Variants in MTCL2 observed in about 807,000 individuals in gnomAD.
MTCL2 encodes microtubule crosslinking factor 2.
the MTCL2 span, among the ~76,000 whole-genome samples, chr20:36,826,666 C>A: frequency 6.6e-6 from 1 of 151,946 alleles, no homozygotes; most frequent in East Asian, 1.9e-4. Flanking sequence ...GCATGAGCCA[C>A]CACACCCAGC....
the MTCL2 span, chr20:36,797,023 AG>A: frequency 1.5e-6 from 2 of 1,339,544 alleles, no homozygotes; most frequent in Middle Eastern, 1.8e-4. Context: ...ACAAGAGACC[AG>A]CCCCGACCTC....
At chr20:36,812,111 A>T in the MTCL2 span, among the ~76,000 whole-genome samples, 1 of 152,222 alleles carries the variant, frequency 6.6e-6, no homozygotes, top group Non-Finnish European at 1.5e-5. Context: ...TCACACAGGA[A>T]CACTGGTAGA....
At chr20:36,852,185 C>T in the MTCL2 span, among the ~76,000 whole-genome samples, 2 of 152,216 alleles carry the variant, frequency 1.3e-5, no homozygotes, top group South Asian at 2.1e-4. Flanking sequence ...TACAGAGGAA[C>T]GGGAGCCTCC....
the MTCL2 span, chr20:36,828,823 A>G: frequency 2.1e-6 from 1 of 487,220 alleles, no homozygotes; most frequent in Non-Finnish European, 3.6e-6. Context: ...CCCTGAGGAC[A>G]GGAACTGGGT....
At chr20:36,798,395 A>G in the MTCL2 span, among the ~76,000 whole-genome samples, 1 of 152,208 alleles carries the variant, frequency 6.6e-6, no homozygotes. Flanking sequence ...CCTCACAGAA[A>G]CAGTGTATGA....
chr20:36,811,019 G>A, the MTCL2 span, among the ~76,000 whole-genome samples: 1 of 152,052 alleles, frequency 6.6e-6, no homozygotes, highest in Admixed American at 6.6e-5. Context: ...ACCGTGCCTG[G>A]CCCCAGAACT....
chr20:36,815,381 G>C, the MTCL2 span: 28 of 1,613,442 alleles, frequency 1.7e-5, no homozygotes, highest in Middle Eastern at 1.6e-4. This position sits in a 1 kb window ranked among gnomAD's most constrained non-coding sequence, Gnocchi z 5.3. Flanking sequence ...CAGCACACTC[G>C]TTGTCCAGAC....
chr20:36,807,217 G>A, the MTCL2 span, among the ~76,000 whole-genome samples: 1 of 152,176 alleles, frequency 6.6e-6, no homozygotes, highest in Admixed American at 6.5e-5. Context: ...CGAGAATGAT[G>A]AGCCCCACTG....
At chr20:36,824,220 C>A in the MTCL2 span, among the ~76,000 whole-genome samples, 2 of 152,216 alleles carry the variant, frequency 1.3e-5, no homozygotes, top group Admixed American at 1.3e-4. Context: ...CACAGAATCT[C>A]AGAAACGTGC....
At chr20:36,790,471 G>A in the MTCL2 span, among the ~76,000 whole-genome samples, 1 of 111,712 alleles carries the variant, frequency 9.0e-6, no homozygotes, top group African/African-American at 3.6e-5. Flanking sequence ...GTCTTGCTCT[G>A]TTGCCCAGGC....
At chr20:36,863,251 G>C in the MTCL2 span, 10 of 1,197,140 alleles carry the variant, frequency 8.4e-6, no homozygotes, top group Non-Finnish European at 1.0e-5. The surrounding 1 kb of genome is among the most constrained non-coding windows in gnomAD (Gnocchi z 6.2). Context: ...GACGGCGCGC[G>C]GTGGCTCTTT....
chr20:36,857,746 G>C, the MTCL2 span, among the ~76,000 whole-genome samples: 1 of 152,166 alleles, frequency 6.6e-6, no homozygotes, highest in East Asian at 1.9e-4. Context: ...ACTGGGTCCA[G>C]ACACCCAGCA....
chr20:36,785,733 T>C, the MTCL2 span: 3 of 985,452 alleles, frequency 3.0e-6, no homozygotes, highest in Non-Finnish European at 3.6e-6. Context: ...GCTGGGAACG[T>C]TGGGGCCCCA....
chr20:36,804,255 T>C, the MTCL2 span, among the ~76,000 whole-genome samples: 1 of 152,076 alleles, frequency 6.6e-6, no homozygotes, highest in Non-Finnish European at 1.5e-5. Context: ...AAGCCCACCC[T>C]CTCACTTTTC....
chr20:36,815,815 C>A, the MTCL2 span: 1 of 1,593,836 alleles, frequency 6.3e-7, no homozygotes, highest in East Asian at 2.3e-5. This position sits in a 1 kb window ranked among gnomAD's most constrained non-coding sequence, Gnocchi z 5.3. Context: ...TTGGCCAGCT[C>A]GTTCAGCAGC....
the MTCL2 span, chr20:36,778,113 G>A: frequency 8.5e-6 from 3 of 354,610 alleles, no homozygotes; most frequent in Admixed American, 4.9e-5. Flanking sequence ...AGGTGAGCAG[G>A]AGCAGGGAAA....
the MTCL2 span, among the ~76,000 whole-genome samples, chr20:36,790,988 T>C: frequency 6.6e-6 from 1 of 152,190 alleles, no homozygotes; most frequent in Non-Finnish European, 1.5e-5. Context: ...TGGCACACTT[T>C]TGAAAAACAA....
the MTCL2 span, among the ~76,000 whole-genome samples, chr20:36,810,717 C>CCTCTCTCTCTCTCTCT: frequency 0.011 from 1,042 of 94,212 alleles, 61 homozygotes; most frequent in East Asian, 0.022. Flanking sequence ...TCTCTCTCTC[C>CCTCTCTCTCTCTCTCT]CTCTCTCTCT....
chr20:36,790,738 C>CTTTT, the MTCL2 span, among the ~76,000 whole-genome samples: 11 of 135,938 alleles, frequency 8.1e-5, no homozygotes, highest in African/African-American at 2.7e-4. Flanking sequence ...TGCCTGGCCT[C>CTTTT]TTTTTTTTTT....
Sources: gnomAD v4.1 joint callset for allele counts (sites outside exome capture counted in the v4.1 genomes callset) on GRCh38, gnomAD v4.1.1 for gene constraint, Gnocchi (gnomAD v3.1) non-coding constraint, MANE v1.5 for transcripts, NCBI Gene and HGNC (gene_info 2026-07-23, HGNC 2026-07-21) for gene names.